CCPG1: variants seen among roughly 807,000 people sequenced by gnomAD.
The protein encoded by CCPG1 is cell cycle progression protein 1.
In CCPG1, 46 loss-of-function variants were observed where a neutral mutation model predicts 81.3. That is an observed-to-expected ratio of 0.57 (90% CI 0.45 to 0.72). The LOEUF is 0.72. Among genes scored for constraint, CCPG1 ranks in the 30% least tolerant of loss-of-function variants. The probability of loss-of-function intolerance (pLI) is 0.00; values close to 1 mark genes in which losing one functional copy is unlikely to be tolerated. For synonymous variants in CCPG1, 330 were observed against 305.2 expected (o/e 1.08, Z -0.85); for missense variants, 902 against 937.6 (o/e 0.96, Z 0.50).
intron 6 of CCPG1, among the ~76,000 whole-genome samples, chr15:55,369,534 CAAA>C (rs765401273): frequency 1.5e-5 from 2 of 129,708 alleles, no homozygotes; most frequent in Admixed American, 7.8e-5. Context: ...AACTCTGTCT[CAAA>C]AAAAAAAAAA....
intron 1 of CCPG1, among the ~76,000 whole-genome samples, chr15:55,407,240 A>AT (rs2057253107): frequency 4.0e-5 from 6 of 151,692 alleles, no homozygotes. Flanking sequence ...AAAAAAAAAA[A>AT]AATATGAATT....
chr15:55,356,591 C>T (rs939080433), intron 8 of CCPG1, 182 bp from the exon 9 acceptor site: 11 of 1,232,300 alleles, frequency 8.9e-6, no homozygotes, highest in Non-Finnish European at 5.1e-6. Context: ...TTTTTTTGTC[C>T]TATAGAAAGA....
At chr15:55,372,724 T>A (rs560003395) in intron 5 of CCPG1, 2 of 260,286 alleles carry the variant, frequency 7.7e-6, no homozygotes, top group East Asian at 2.4e-4. Context: ...AGAAAAAAAA[T>A]ACTCTCTGTC....
chr15:55,376,846 A>T, intron 5 of CCPG1, 103 bp downstream of exon 5: 1 of 815,440 alleles, frequency 1.2e-6, no homozygotes, highest in Non-Finnish European at 1.9e-6. Context: ...GTTTTACCCA[A>T]ACATATTCAA....
chr15:55,386,738 CA>C (rs148605524), intron 2 of CCPG1, among the ~76,000 whole-genome samples: 4 of 147,838 alleles, frequency 2.7e-5, no homozygotes. Context: ...ACTAAAAATA[CA>C]AAAAAAAAAT....
At chr15:55,404,651 G>A (rs539979876) in intron 1 of CCPG1, among the ~76,000 whole-genome samples, 8 of 152,176 alleles carry the variant, frequency 5.3e-5, no homozygotes, top group Non-Finnish European at 1.0e-4. Context: ...GGGATGTACA[G>A]GCCAGACATG....
intron 8 of CCPG1, chr15:55,356,868 C>T (rs996501332): frequency 8.1e-6 from 8 of 986,164 alleles, no homozygotes; most frequent in African/African-American, 1.7e-5. Context: ...ATCAGGCTTC[C>T]GTCACTACTT....
intron 1 of CCPG1, among the ~76,000 whole-genome samples, chr15:55,395,369 T>TC (rs1195772157): frequency 6.6e-6 from 1 of 152,066 alleles, no homozygotes; most frequent in Non-Finnish European, 1.5e-5. Context: ...AGTTTGAACC[T>TC]CCCCATTATA....
chr15:55,361,963 G>A (rs1420772321), intron 7 of CCPG1, among the ~76,000 whole-genome samples: 1 of 152,104 alleles, frequency 6.6e-6, no homozygotes, highest in Non-Finnish European at 1.5e-5. Context: ...AATTTTTGAA[G>A]TTCTGTAATC....
At chr15:55,403,620 G>A (rs1172048551) in intron 1 of CCPG1, among the ~76,000 whole-genome samples, 1 of 152,112 alleles carries the variant, frequency 6.6e-6, no homozygotes, top group Non-Finnish European at 1.5e-5. Flanking sequence ...AACTCAAATT[G>A]AGAGAAAATA....
At chr15:55,377,951 T>A (rs1212596174) in intron 4 of CCPG1, among the ~76,000 whole-genome samples, 1 of 152,230 alleles carries the variant, frequency 6.6e-6, no homozygotes, top group Non-Finnish European at 1.5e-5. Flanking sequence ...TCTAGCTATC[T>A]AGTTTTATAC....
At position 55,377,090 on chromosome 15, in the gene CCPG1, C is replaced by A; in HGVS notation, c.313G>T (p.Asp105Tyr). Reference protein sequence around the residue: ...IYIGTASDDSDIVTLEPPKLE... With the variant: ...IYIGTASDDSYIVTLEPPKLE... The stretch of plus-strand genomic sequence containing the variant: ...TTAGGTGGCTCAAGGGTAACAATAT[C>A]AGAATCATCACTGGCAGTTCCAATA... The change falls in exon 5 of 9, where the codon GAT (aspartate) becomes TAT (tyrosine). Residue 105 changes from aspartate (D) to tyrosine (Y), a missense_variant. Asp to Tyr is a radical substitution (Grantham distance 160). Coordinates refer to ENST00000442196, the MANE Select transcript of CCPG1 (RefSeq NM_001204450.2). 1 of 1,613,730 alleles carries A rather than the reference C, an allele frequency of 6.2e-7. No individual in the cohort carries two copies. Among genetic ancestry groups the A allele is most frequent in the Non-Finnish European group, 8.5e-7 (1 of 1,179,712 alleles).
At chr15:55,407,458 G>C (rs966482681) in intron 1 of CCPG1, among the ~76,000 whole-genome samples, 1 of 152,138 alleles carries the variant, frequency 6.6e-6, no homozygotes, top group African/African-American at 2.4e-5. Context: ...AAAATTCATA[G>C]TACTATATAG....
intron 1 of CCPG1, among the ~76,000 whole-genome samples, chr15:55,405,521 T>C (rs1168660814): frequency 2.6e-5 from 4 of 152,010 alleles, no homozygotes; most frequent in African/African-American, 9.7e-5. Context: ...TGAACCACCA[T>C]ACAATAGAGC....
chr15:55,365,410 C>A, intron 6 of CCPG1, 101 bp from the exon 7 acceptor site: 59 of 546,500 alleles, frequency 1.1e-4, no homozygotes, highest in Non-Finnish European at 1.6e-4. Flanking sequence ...GCTATGTAGT[C>A]TTTTTTTTGT....
chr15:55,383,170 G>GT (rs1454447114), intron 3 of CCPG1, among the ~76,000 whole-genome samples: 1 of 152,212 alleles, frequency 6.6e-6, no homozygotes, highest in African/African-American at 2.4e-5. Context: ...AGGAAACAAA[G>GT]TAACATGAAT....
chr15:55,360,453 G>A lies in CCPG1; in HGVS notation c.1320C>T (p.Phe440=), dbSNP rs751877374. 1.7e-5 allele frequency: 27 copies of A among 1,613,946 alleles called. No individual in the cohort carries two copies. Among genetic ancestry groups the A allele is most frequent in the Non-Finnish European group, 2.1e-5 (25 of 1,180,010 alleles). Residue 440 remains phenylalanine (F), a synonymous_variant, in exon 8 of 9, where the codon TTC becomes TTT. Transcript: ENST00000442196. Reference sequence around the variant, plus strand: ...CCCACAAATCAGAACGCTGCTGTTCGAAGGTTAGCTTCCGTTCCAGCTCAG... The same window carrying A: ...CCCACAAATCAGAACGCTGCTGTTCAAAGGTTAGCTTCCGTTCCAGCTCAG... ...RLTELERKLT[F]EQQRSDLWER...
At chr15:55,368,515 G>C (rs2056378596) in intron 6 of CCPG1, among the ~76,000 whole-genome samples, 1 of 152,084 alleles carries the variant, frequency 6.6e-6, no homozygotes, top group African/African-American at 2.4e-5. Flanking sequence ...CGAAGAGCCG[G>C]GTAGTCTATC....
intron 5 of CCPG1, chr15:55,372,448 G>C (rs2056471122): frequency 4.7e-6 from 1 of 212,612 alleles, no homozygotes; most frequent in African/African-American, 2.4e-5. Context: ...ATCACCTGAG[G>C]TCAGGAGTTC....
Sources: gnomAD v4.1 joint callset for allele counts (sites outside exome capture counted in the v4.1 genomes callset) on GRCh38, gnomAD v4.1.1 for gene constraint, MANE v1.5 for transcripts, NCBI Gene and HGNC (gene_info 2026-07-23, HGNC 2026-07-21) for gene names.